The following XNDC1N variants were observed in gnomAD, a reference collection of about 807,000 sequenced individuals.
XNDC1N encodes protein XNDC1N.
the XNDC1N span, among the ~76,000 whole-genome samples, chr11:71,896,331 G>A: frequency 1.3e-5 from 2 of 152,360 alleles, no homozygotes; most frequent in Non-Finnish European, 2.9e-5. Context: ...AAGATGGTTA[G>A]CAGACGCTAG....
chr11:71,888,997 T>C, the XNDC1N span, among the ~76,000 whole-genome samples: 15 of 152,168 alleles, frequency 9.9e-5, no homozygotes, highest in Non-Finnish European at 1.9e-4. Context: ...TATACTTGGA[T>C]GGGAGCAGCT....
the XNDC1N span, among the ~76,000 whole-genome samples, chr11:71,887,181 G>T: frequency 1.3e-5 from 2 of 152,196 alleles, no homozygotes; most frequent in East Asian, 1.9e-4. Flanking sequence ...CTGAACATTC[G>T]CTAGTAACCG....
the XNDC1N span, among the ~76,000 whole-genome samples, chr11:71,913,140 G>A: frequency 2.0e-5 from 3 of 151,978 alleles, no homozygotes; most frequent in South Asian, 4.2e-4. Flanking sequence ...ATCCTCTTTC[G>A]CTCTGGATAT....
chr11:71,881,317 T>C, the XNDC1N span, among the ~76,000 whole-genome samples: 8 of 152,244 alleles, frequency 5.3e-5, no homozygotes, highest in Admixed American at 4.6e-4. Flanking sequence ...TTTTGTCCAA[T>C]ATAAATATAG....
chr11:71,884,822 C>T, the XNDC1N span, among the ~76,000 whole-genome samples: 16 of 152,090 alleles, frequency 1.1e-4, no homozygotes, highest in Non-Finnish European at 2.2e-4. Flanking sequence ...AAGAGCCAGC[C>T]CCTTTTGCCC....
the XNDC1N span, among the ~76,000 whole-genome samples, chr11:71,886,098 G>A: frequency 1.9e-4 from 29 of 151,992 alleles, no homozygotes; most frequent in East Asian, 1.4e-3. Context: ...GAGAGCAGCC[G>A]TAGACTGGGA....
the XNDC1N span, among the ~76,000 whole-genome samples, chr11:71,920,716 T>C: frequency 6.6e-6 from 1 of 152,254 alleles, no homozygotes; most frequent in East Asian, 1.9e-4. Flanking sequence ...GTGATATTTA[T>C]ACTCAATATC....
chr11:71,912,141 G>A, the XNDC1N span, among the ~76,000 whole-genome samples: 4 of 152,282 alleles, frequency 2.6e-5, no homozygotes, highest in African/African-American at 9.6e-5. Context: ...AAAACGGTGA[G>A]GCAGCGGTGT....
chr11:71,908,221 TAA>T, the XNDC1N span, among the ~76,000 whole-genome samples: 201 of 151,660 alleles, frequency 1.3e-3, no homozygotes, highest in African/African-American at 2.3e-3. Flanking sequence ...TAATTGCTAA[TAA>T]AAAGTTTTCA....
At chr11:71,891,227 T>C in the XNDC1N span, among the ~76,000 whole-genome samples, 3 of 147,158 alleles carry the variant, frequency 2.0e-5, no homozygotes, top group East Asian at 4.0e-4. Flanking sequence ...CCCTGCGATA[T>C]TGGGAGTCAT....
At chr11:71,912,723 C>T in the XNDC1N span, among the ~76,000 whole-genome samples, 1 of 152,096 alleles carries the variant, frequency 6.6e-6, no homozygotes, top group Admixed American at 6.5e-5. Flanking sequence ...CTCTTTCCCC[C>T]TGGATATTAG....
the XNDC1N span, among the ~76,000 whole-genome samples, chr11:71,919,605 G>GTTTTTTTTGTTTTT: frequency 9.2e-5 from 1 of 10,906 alleles, no homozygotes; most frequent in African/African-American, 1.2e-4. Flanking sequence ...GGCCAGGTTG[G>GTTTTTTTTGTTTTT]TTTTTTTTTT....
At chr11:71,904,353 T>C in the XNDC1N span, among the ~76,000 whole-genome samples, 8 of 152,114 alleles carry the variant, frequency 5.3e-5, no homozygotes, top group African/African-American at 1.7e-4. Context: ...AGGGTGTGCA[T>C]ACTGTGTGAT....
chr11:71,901,367 G>A, the XNDC1N span, among the ~76,000 whole-genome samples: 1 of 152,108 alleles, frequency 6.6e-6, no homozygotes, highest in African/African-American at 2.4e-5. Context: ...GGGAGGCTGA[G>A]GCAGGCGAAT....
At chr11:71,906,016 G>T in the XNDC1N span, among the ~76,000 whole-genome samples, 1 of 151,770 alleles carries the variant, frequency 6.6e-6, no homozygotes, top group African/African-American at 2.4e-5. Context: ...TGTAACATTA[G>T]GGGTAACATC....
chr11:71,927,352 A>G, the XNDC1N span, among the ~76,000 whole-genome samples: 3 of 152,042 alleles, frequency 2.0e-5, no homozygotes, highest in African/African-American at 7.2e-5. Context: ...CCATGACCCC[A>G]TCTCTGCTAA....
At chr11:71,899,332 G>C in the XNDC1N span, among the ~76,000 whole-genome samples, 2 of 152,158 alleles carry the variant, frequency 1.3e-5, no homozygotes, top group East Asian at 1.9e-4. Context: ...GTTCTCCGTG[G>C]TCATGGCCCA....
At chr11:71,913,766 T>G in the XNDC1N span, among the ~76,000 whole-genome samples, 19 of 151,694 alleles carry the variant, frequency 1.3e-4, no homozygotes, top group African/African-American at 4.4e-4. Context: ...AAGGACAAGC[T>G]AACTCTCTCG....
chr11:71,913,665 T>TAAAAAAAAAAA, the XNDC1N span, among the ~76,000 whole-genome samples: 218 of 105,226 alleles, frequency 2.1e-3, no homozygotes, highest in Non-Finnish European at 2.6e-3. Flanking sequence ...TCTCAAAAGA[T>TAAAAAAAAAAA]AAAAAAAAAA....
Sources: allele counts gnomAD v4.1 joint callset (sites outside exome capture counted in the v4.1 genomes callset), GRCh38; gene constraint gnomAD v4.1.1; transcripts MANE v1.5; gene names NCBI Gene and HGNC (gene_info 2026-07-23, HGNC 2026-07-21).